The following TYR variants were observed in gnomAD, a reference collection of about 807,000 sequenced individuals.
The protein encoded by TYR is LB24-AB.
Under a neutral mutation model 51.5 loss-of-function variants are expected in TYR, and 58 were observed. The observed-to-expected ratio is 1.13, with a 90% confidence interval of 0.91 to 1.40. The LOEUF (loss-of-function observed/expected upper bound fraction) is 1.40, where lower values mean the gene tolerates loss of function less well. TYR is among the 40% of genes most tolerant of loss of function. The probability of loss-of-function intolerance (pLI) is 0.00; values close to 1 mark genes in which losing one functional copy is unlikely to be tolerated. For missense variants in TYR, 732 were observed against 647.4 expected (o/e 1.13, Z -1.42); for synonymous variants, 263 against 235.2 (o/e 1.12, Z -1.08).
intron 2 of TYR, among the ~76,000 whole-genome samples, chr11:89,198,416 C>G (rs189259337): frequency 1.3e-5 from 2 of 151,956 alleles, no homozygotes. Flanking sequence ...ACCCTGACTC[C>G]GAGAGAGGCA....
intron 2 of TYR, among the ~76,000 whole-genome samples, chr11:89,208,044 G>A (rs1307467622): frequency 1.3e-5 from 2 of 152,176 alleles, no homozygotes; most frequent in Non-Finnish European, 2.9e-5. Context: ...CAAGGCGGGG[G>A]GATCACGAAG....
intron 4 of TYR, among the ~76,000 whole-genome samples, chr11:89,287,390 A>G (rs1363741249): frequency 6.6e-6 from 1 of 151,694 alleles, no homozygotes; most frequent in Non-Finnish European, 1.5e-5. Context: ...GTTTTTTTTT[A>G]TGTGTCTGTA....
At chr11:89,294,526 G>A (rs922387868) in intron 4 of TYR, among the ~76,000 whole-genome samples, 1 of 152,160 alleles carries the variant, frequency 6.6e-6, no homozygotes, top group Non-Finnish European at 1.5e-5. Context: ...AGGGTACCGC[G>A]GCACAGGGCC....
chr11:89,245,846 T>G (rs1215456024), intron 3 of TYR, among the ~76,000 whole-genome samples: 1 of 151,304 alleles, frequency 6.6e-6, no homozygotes, highest in Admixed American at 6.6e-5. Context: ...GGAGTGAACC[T>G]GGAGGCGGAG....
chr11:89,261,672 A>G (rs1318293474), intron 3 of TYR, among the ~76,000 whole-genome samples: 1 of 152,154 alleles, frequency 6.6e-6, no homozygotes, highest in Non-Finnish European at 1.5e-5. Context: ...ATCAGCAAGA[A>G]AAAACTTGCG....
intron 1 of TYR, among the ~76,000 whole-genome samples, chr11:89,183,315 A>G (rs1195173157): frequency 6.6e-6 from 1 of 152,082 alleles, no homozygotes; most frequent in Admixed American, 6.6e-5. Context: ...AAATAGAAAA[A>G]AAACAGAGTC....
intron 1 of TYR, among the ~76,000 whole-genome samples, chr11:89,182,691 G>A (rs1421347224): frequency 6.6e-6 from 1 of 152,096 alleles, no homozygotes; most frequent in African/African-American, 2.4e-5. Flanking sequence ...TAGGGGCCAT[G>A]TTTATCATCA....
At position 89,202,622 on chromosome 11, in the gene TYR, T is replaced by TACACAC. The variant is rs10526067; in HGVS notation, c.1036+11227_1036+11232dup. 3.9e-3 allele frequency among the ~76,000 whole-genome samples: 546 copies of TACACAC among 141,364 alleles called. 7 individuals are homozygous for TACACAC. Among genetic ancestry groups the TACACAC allele is most frequent in the African/African-American group, 0.011 (423 of 36,962 alleles). 92.7% of individuals were successfully genotyped at this position (141,364 alleles called of 152,430 possible). On this transcript the variant is annotated intron_variant, in intron 2 of 4. Transcript: ENST00000263321. ...CCAAAACTAGAATATATTTTCATAA[T>TACACAC]ACACACACACACACACACACACACA...
chr11:89,239,718 C>A (rs1287062573), intron 3 of TYR, among the ~76,000 whole-genome samples: 1 of 151,942 alleles, frequency 6.6e-6, no homozygotes, highest in Non-Finnish European at 1.5e-5. Flanking sequence ...TGCTGCATCC[C>A]ATAAGTTTTA....
rs542653991 is a variant in TYR at position 89,281,822 on chromosome 11, G to A, written c.1185-2951G>A. On this transcript the variant is annotated intron_variant, in intron 3 of 4. Transcript: ENST00000263321. ...CACATCTTTCCATATTTCCATCTGT[G>A]TTCATCTTTACATTTTTCTAATTTT... Among the ~76,000 whole-genome samples, 10 of 151,796 alleles carry A rather than the reference G, an allele frequency of 6.6e-5. No individual in the cohort carries two copies. The East Asian group carries it at 1.9e-3, about 30-fold the overall frequency.
At chr11:89,274,164 T>C (rs186733887) in intron 3 of TYR, among the ~76,000 whole-genome samples, 1 of 152,016 alleles carries the variant, frequency 6.6e-6, no homozygotes, top group East Asian at 1.9e-4. Context: ...AGTATCACAA[T>C]CATCTAGCTC....
intron 3 of TYR, among the ~76,000 whole-genome samples, chr11:89,264,835 G>A (rs1944507350): frequency 6.6e-6 from 1 of 151,528 alleles, no homozygotes; most frequent in Admixed American, 6.6e-5. Context: ...TGTCTAATAT[G>A]TTATTTATAT....
At chr11:89,226,397 A>T (rs1157302774) in intron 2 of TYR, among the ~76,000 whole-genome samples, 1 of 152,110 alleles carries the variant, frequency 6.6e-6, no homozygotes, top group Non-Finnish European at 1.5e-5. Flanking sequence ...ATCTAGAAAA[A>T]TTTCTACACA....
intron 2 of TYR, among the ~76,000 whole-genome samples, chr11:89,220,204 G>A (rs1943889824): frequency 6.6e-6 from 1 of 152,110 alleles, no homozygotes; most frequent in African/African-American, 2.4e-5. Context: ...GCACAGTGCT[G>A]ACATCTGCCT....
chr11:89,195,964 A>C (rs1329979800), intron 2 of TYR, among the ~76,000 whole-genome samples: 1 of 152,150 alleles, frequency 6.6e-6, no homozygotes, highest in Non-Finnish European at 1.5e-5. Context: ...GAATTGGTTA[A>C]AAGTAATCAA....
intron 3 of TYR, among the ~76,000 whole-genome samples, chr11:89,248,525 C>A (rs2135297461): frequency 6.6e-6 from 1 of 152,126 alleles, no homozygotes. Flanking sequence ...CATAAAAGAG[C>A]TTGTCTTGCT....
intron 3 of TYR, among the ~76,000 whole-genome samples, chr11:89,236,369 A>G (rs1372689459): frequency 1.3e-5 from 2 of 152,138 alleles, no homozygotes. Flanking sequence ...GTCATTCTGT[A>G]GATATATAGC....
intron 2 of TYR, among the ~76,000 whole-genome samples, chr11:89,212,765 G>C (rs1943777614): frequency 6.6e-6 from 1 of 152,122 alleles, no homozygotes; most frequent in Non-Finnish European, 1.5e-5. Context: ...TCATCCCCGG[G>C]ATGCAAGGCT....
chr11:89,190,960 G>A (rs1943435318), intron 1 of TYR, among the ~76,000 whole-genome samples: 1 of 152,134 alleles, frequency 6.6e-6, no homozygotes, highest in African/African-American at 2.4e-5. Context: ...AAACAGCCAA[G>A]ATGTTTAGTA....
Sources: gnomAD v4.1 joint callset for allele counts (sites outside exome capture counted in the v4.1 genomes callset) on GRCh38, gnomAD v4.1.1 for gene constraint, MANE v1.5 for transcripts, NCBI Gene and HGNC (gene_info 2026-07-23, HGNC 2026-07-21) for gene names.